TIAM1: variants seen among roughly 807,000 people sequenced by gnomAD.
TIAM1 encodes the protein rho guanine nucleotide exchange factor TIAM1.
A neutral mutation model predicts 163.5 loss-of-function variants in TIAM1; 65 were observed. The ratio of observed to expected loss-of-function variants is 0.40; its 90% CI spans 0.33 to 0.49. The LOEUF (loss-of-function observed/expected upper bound fraction) is 0.49, where lower values mean the gene tolerates loss of function less well. Ranked by LOEUF, TIAM1 falls within the 20% of genes least tolerant of loss-of-function variation. The probability of loss-of-function intolerance (pLI) is 0.77; values close to 1 mark genes in which losing one functional copy is unlikely to be tolerated. For synonymous variants in TIAM1, 833 were observed against 810.1 expected (o/e 1.03, Z -0.48); for missense variants, 1,789 against 2,044.7 (o/e 0.87, Z 2.41).
intron 6 of TIAM1, among the ~76,000 whole-genome samples, chr21:31,232,215 G>A (rs2088480208): frequency 6.6e-6 from 1 of 152,104 alleles, no homozygotes. Context: ...ATAGAAATGT[G>A]TGATGACAGC....
intron 2 of TIAM1, among the ~76,000 whole-genome samples, chr21:31,381,283 G>A (rs568682850): frequency 6.6e-6 from 1 of 152,224 alleles, no homozygotes; most frequent in East Asian, 1.9e-4. Context: ...CATGAGTGGA[G>A]CCCTCATGAA....
chr21:31,441,180 G>A (rs1364283342), intron 2 of TIAM1, among the ~76,000 whole-genome samples: 1 of 152,192 alleles, frequency 6.6e-6, no homozygotes, highest in African/African-American at 2.4e-5. Context: ...AGAGGGAAAT[G>A]CTTGCCTTTT....
intron 6 of TIAM1, among the ~76,000 whole-genome samples, chr21:31,232,278 C>T (rs1328598293): frequency 6.6e-6 from 1 of 152,078 alleles, no homozygotes; most frequent in Non-Finnish European, 1.5e-5. Flanking sequence ...TGCCTCAGCC[C>T]CCCAAACTTT....
At position 31,395,704 on chromosome 21, in the gene TIAM1, G is replaced by A. The variant is rs143209441; in HGVS notation, c.-368-56282C>T. On this transcript the variant is annotated intron_variant, in intron 2 of 28. Transcript: ENST00000286827. The surrounding 1 kb of genome is among the most constrained non-coding windows in gnomAD (Gnocchi z 7.5). ...CTAAAACATCTATCTTGGGGAGGGG[G>A]CGCATGCGTTCCCCTGGCTGTCGCG... is the stretch of plus-strand genomic sequence containing the variant. 3.9e-3 allele frequency among the ~76,000 whole-genome samples: 597 copies of A among 152,272 alleles called. 3 individuals are homozygous for A. Among genetic ancestry groups the A allele is most frequent in the Non-Finnish European group, 6.1e-3 (415 of 68,016 alleles).
At chr21:31,146,769 T>G (rs972318196) in intron 20 of TIAM1, 126 bp downstream of exon 20, 1 of 696,552 alleles carries the variant, frequency 1.4e-6, no homozygotes, top group African/African-American at 1.8e-5. Flanking sequence ...CCCATATCAG[T>G]GGCTTGCTGG....
intron 9 of TIAM1, among the ~76,000 whole-genome samples, chr21:31,216,054 CCA>C: frequency 6.6e-6 from 1 of 152,100 alleles, no homozygotes; most frequent in East Asian, 1.9e-4. Context: ...GCCTGTAATC[CCA>C]GTTACTCAGG....
rs1028789875 is a variant in TIAM1 at position 31,118,687 on chromosome 21, C to T, written c.*1681G>A. 14 of 469,050 alleles carry T rather than the reference C, an allele frequency of 3.0e-5. No homozygotes were observed. The highest frequency in any genetic ancestry group is 4.9e-5 in the Non-Finnish European group (11 of 226,594). The allele number at this position is 469,050 out of a possible 1,614,324, so 29.1% of individuals were successfully genotyped here. ...GTTTTCCATCTGGACGCGATCGAACCGGAGATGATATGGAAAAATGCAGTG... is the reference window on the plus strand; with the variant it reads ...GTTTTCCATCTGGACGCGATCGAACTGGAGATGATATGGAAAAATGCAGTG... On this transcript the variant is annotated 3_prime_UTR_variant, in exon 28 of 28. Coordinates refer to ENST00000541036, the MANE Select transcript of TIAM1 (RefSeq NM_001353694.2).
At chr21:31,381,976 A>C (rs1191962028) in intron 2 of TIAM1, among the ~76,000 whole-genome samples, 1 of 152,220 alleles carries the variant, frequency 6.6e-6, no homozygotes, top group African/African-American at 2.4e-5. Flanking sequence ...CAGAACTGTG[A>C]GAAATAAATG....
intron 26 of TIAM1, among the ~76,000 whole-genome samples, chr21:31,125,508 C>A (rs2082163550): frequency 6.6e-6 from 1 of 152,196 alleles, no homozygotes; most frequent in Non-Finnish European, 1.5e-5. Flanking sequence ...CTCTGTCACC[C>A]AACACAGAGA....
intron 2 of TIAM1, among the ~76,000 whole-genome samples, chr21:31,386,443 C>T (rs144629349): frequency 2.0e-4 from 31 of 152,146 alleles, no homozygotes; most frequent in African/African-American, 5.5e-4. Context: ...ACCAAAAGAC[C>T]CATAGAAGAT....
chr21:31,396,856 C>T (rs2077081203), intron 2 of TIAM1, among the ~76,000 whole-genome samples: 1 of 152,000 alleles, frequency 6.6e-6, no homozygotes, highest in African/African-American at 2.4e-5. Context: ...GAGGCTGAGA[C>T]AGGAGAATCA....
In TIAM1 at chr21:31,245,524, G is replaced by T; in HGVS notation, c.1548C>A (p.Cys516Ter). ...AGGCATCACCCAGGGAATTGCTGAG[G>T]CAGAAGACAAAGTCCTTCTTGGGGT... The part of the protein sequence containing the change: ...PEHPKKDFVF[C>*]LSNSLGDAFL... Residue 516 changes from cysteine (C) to a stop codon, truncating the protein, a stop_gained, in exon 6 of 28, where the codon TGC becomes TGA. Coordinates refer to ENST00000541036, the MANE Select transcript of TIAM1 (RefSeq NM_001353694.2). LOFTEE classifies it high-confidence loss of function. 1 of 1,553,042 alleles carries T rather than the reference G, an allele frequency of 6.4e-7. No homozygotes were observed. Among genetic ancestry groups the T allele is most frequent in the Non-Finnish European group, 8.7e-7 (1 of 1,148,130 alleles).
chr21:31,282,710 C>A (rs2073623259), intron 2 of TIAM1, among the ~76,000 whole-genome samples: 1 of 152,222 alleles, frequency 6.6e-6, no homozygotes, highest in Non-Finnish European at 1.5e-5. Flanking sequence ...TCCCTCCGAA[C>A]AGATGAATGA....
At chr21:31,256,623 A>AT (rs1327135961) in intron 4 of TIAM1, among the ~76,000 whole-genome samples, 6 of 150,026 alleles carry the variant, frequency 4.0e-5, no homozygotes, top group African/African-American at 1.3e-4. Flanking sequence ...ACACACACAC[A>AT]CACACGTATA....
chr21:31,515,269 G>A (rs957297893), intron 1 of TIAM1, among the ~76,000 whole-genome samples: 3 of 152,074 alleles, frequency 2.0e-5, no homozygotes, highest in Non-Finnish European at 2.9e-5. Context: ...CCATCTTCTA[G>A]GTTGAGTTAG....
At chr21:31,514,085 C>A (rs1377214726) in intron 1 of TIAM1, among the ~76,000 whole-genome samples, 1 of 152,058 alleles carries the variant, frequency 6.6e-6, no homozygotes, top group Non-Finnish European at 1.5e-5. Flanking sequence ...AGGAAAATTC[C>A]CTTGTATTTC....
intron 3 of TIAM1, among the ~76,000 whole-genome samples, chr21:31,270,811 A>G (rs1464463596): frequency 1.3e-5 from 2 of 152,242 alleles, no homozygotes; most frequent in Non-Finnish European, 2.9e-5. Flanking sequence ...AATGTGGCCC[A>G]GGGAAGCCAA....
intron 2 of TIAM1, among the ~76,000 whole-genome samples, chr21:31,304,811 G>A (rs951073579): frequency 1.6e-4 from 24 of 152,192 alleles, no homozygotes; most frequent in Admixed American, 1.3e-3. Flanking sequence ...TCGTGCCGCA[G>A]CCTCCCAAGT....
At chr21:31,149,999 A>G (rs2083302545) in intron 19 of TIAM1, among the ~76,000 whole-genome samples, 1 of 152,232 alleles carries the variant, frequency 6.6e-6, no homozygotes, top group Non-Finnish European at 1.5e-5. Flanking sequence ...CACACCATAC[A>G]TGCATAATGT....
Sources: allele counts gnomAD v4.1 joint callset (sites outside exome capture counted in the v4.1 genomes callset), GRCh38; gene constraint gnomAD v4.1.1; non-coding constraint Gnocchi (gnomAD v3.1); transcripts MANE v1.5; gene names NCBI Gene and HGNC (gene_info 2026-07-23, HGNC 2026-07-21).